The following DGKD variants were observed in gnomAD, a reference collection of about 807,000 sequenced individuals.
DGKD encodes the protein DAG kinase delta.
In DGKD, 68 loss-of-function variants were observed where a neutral mutation model predicts 154.4. The observed-to-expected ratio is 0.44, with a 90% CI of 0.36 to 0.54. DGKD has a LOEUF of 0.54. Ranked by LOEUF, DGKD falls within the 20% of genes least tolerant of loss-of-function variation. DGKD has a pLI of 0.00. For synonymous variants in DGKD, 693 were observed against 638.0 expected, an observed-to-expected ratio of 1.09 and a Z score of -1.30; for missense variants, 1,343 against 1,593.6, an observed-to-expected ratio of 0.84 and a Z score of 2.68.
At chr2:233,402,013 C>T (rs557729087) in intron 3 of DGKD, among the ~76,000 whole-genome samples, 12 of 150,022 alleles carry the variant, frequency 8.0e-5, no homozygotes, top group African/African-American at 2.7e-4. Context: ...GTCTGGTCCT[C>T]ATGTGCCCTC....
rs375267218 is a variant in DGKD at position 233,457,346 on chromosome 2, G to A, written c.2580+18G>A. 4.5e-4 allele frequency: 691 copies of A among 1,552,010 alleles called. No homozygotes were observed. The highest frequency in any genetic ancestry group is 5.6e-4 in the Non-Finnish European group (639 of 1,137,480). ...AAGATGATGTATGTATGGGGTGTGA[G>A]CGGGTGGGCCTGAGCTCAGTGGGGA... On this transcript the variant is annotated intron_variant, in intron 21 of 29. Transcript: ENST00000264057. The surrounding 1 kb of genome is among the most constrained non-coding windows in gnomAD (Gnocchi z 5.5).
chr2:233,385,920 A>G (rs200164031), intron 1 of DGKD: 1 of 463,060 alleles, frequency 2.2e-6, no homozygotes, highest in Non-Finnish European at 4.4e-6. Context: ...TCTTGTTATA[A>G]ATAAAGCAGC....
intron 27 of DGKD, among the ~76,000 whole-genome samples, chr2:233,465,056 G>A (rs3768801): frequency 0.099 from 15,082 of 152,236 alleles, 807 homozygotes; most frequent in South Asian, 0.13. Flanking sequence ...CCCTCTTTCC[G>A]GGGCCCTGGG....
At chr2:233,432,321 T>C (rs13410184) in intron 3 of DGKD, among the ~76,000 whole-genome samples, 6,388 of 62,660 alleles carry the variant, frequency 0.1, 458 homozygotes, top group Non-Finnish European at 0.16. Context: ...GTCAGGAGAT[T>C]GTGACCCTCC....
intron 1 of DGKD, among the ~76,000 whole-genome samples, chr2:233,384,362 C>T (rs1340903118): frequency 1.3e-5 from 2 of 152,154 alleles, no homozygotes; most frequent in Non-Finnish European, 2.9e-5. Flanking sequence ...GGCTTTCCTT[C>T]CTTGGTATTG....
At chr2:233,415,972 A>G (rs2061950498) in intron 3 of DGKD, among the ~76,000 whole-genome samples, 4 of 152,198 alleles carry the variant, frequency 2.6e-5, no homozygotes, top group Admixed American at 2.6e-4. Flanking sequence ...CAATTTGGAA[A>G]ATAGAGAAAA....
intron 17 of DGKD, 115 bp downstream of exon 17, chr2:233,451,165 T>A (rs1193804647): frequency 8.9e-7 from 1 of 1,122,268 alleles, no homozygotes; most frequent in Non-Finnish European, 1.2e-6. Context: ...CTGAGAAAGA[T>A]AGGTGGAATT....
chr2:233,439,942 T>C (rs564067185), intron 9 of DGKD, among the ~76,000 whole-genome samples: 96 of 152,262 alleles, frequency 6.3e-4, no homozygotes, highest in Admixed American at 1.5e-3. Context: ...GTTATCACAA[T>C]GCACCAAGCA....
rs1376905992 is a variant in DGKD, at chr2:233,458,661, G to A, written c.2694+264G>A. Among the ~76,000 whole-genome samples, 1 of 151,092 alleles carries A rather than the reference G, an allele frequency of 6.6e-6. No individual in the cohort carries two copies. Among genetic ancestry groups the A allele is most frequent in the East Asian group, 1.9e-4 (1 of 5,162 alleles). ...GAGTCTTGCTCTGTTGCCCAGGCTG[G>A]AGTGCAGTGGTGCAATCTCGGCTTG... On this transcript the variant is annotated intron_variant, in intron 22 of 29. Coordinates refer to ENST00000264057, the MANE Select transcript of DGKD (RefSeq NM_152879.3). This position sits in a 1 kb window ranked among gnomAD's most constrained non-coding sequence, Gnocchi z 6.6.
chr2:233,454,996 A>C (rs2063409997), intron 19 of DGKD, 123 bp downstream of exon 19: 1 of 621,824 alleles, frequency 1.6e-6, no homozygotes, highest in African/African-American at 1.9e-5. Context: ...CGGGGGGCAG[A>C]AATGGAGCCC....
chr2:233,436,463 G>T, intron 7 of DGKD, 22 bp downstream of exon 7: 1 of 1,605,104 alleles, frequency 6.2e-7, no homozygotes, highest in Non-Finnish European at 8.5e-7. Flanking sequence ...CCCTGCGCCC[G>T]GGCTGGAGGG....
At chr2:233,363,412 A>T (rs1701877093) in intron 1 of DGKD, among the ~76,000 whole-genome samples, 2 of 152,240 alleles carry the variant, frequency 1.3e-5, no homozygotes, top group Admixed American at 6.5e-5. Flanking sequence ...ACAAGTGTAC[A>T]GTGTGTGTTT....
At position 233,445,528 on chromosome 2, in the gene DGKD, T is replaced by C; in HGVS notation, c.1195-95T>C. 1 of 1,486,788 alleles carries C rather than the reference T, an allele frequency of 6.7e-7. No homozygotes were observed. Among genetic ancestry groups the C allele is most frequent in the Non-Finnish European group, 9.0e-7 (1 of 1,114,212 alleles). 92.1% of individuals were successfully genotyped at this position (1,486,788 alleles called of 1,614,324 possible). A position where few individuals can be genotyped will look rare whatever the true frequency, so the allele number is the denominator to read the frequency against. On this transcript the variant is annotated intron_variant, in intron 10 of 29. Coordinates refer to ENST00000264057, the MANE Select transcript of DGKD (RefSeq NM_152879.3). This position sits in a 1 kb window ranked among gnomAD's most constrained non-coding sequence, Gnocchi z 5.5. ...AGGTCACGTCCCCACATTGCTAACG[T>C]AACCCTCACGGTGGGGGACAAGGAG... is the stretch of plus-strand genomic sequence containing the variant.
In DGKD at chr2:233,434,821, G is replaced by T. The variant is rs1444396676; in HGVS notation, c.506G>T (p.Cys169Phe). 6.2e-7 allele frequency: 1 copy of T among 1,614,116 alleles called. No individual in the cohort carries two copies. Among genetic ancestry groups the T allele is most frequent in the Non-Finnish European group, 8.5e-7 (1 of 1,180,050 alleles). The change falls in exon 5 of 30, where the codon TGT becomes TTT. Residue 169 changes from cysteine to phenylalanine, a missense_variant. Coordinates refer to ENST00000264057, the MANE Select transcript of DGKD (RefSeq NM_152879.3). The stretch of plus-strand genomic sequence containing the variant: ...TCAGGGATGCACAATTGGTACGCCT[G>T]TTCCCACGCGAGGCCGACCTACTGC... ...HFSGMHNWYA[C>F]SHARPTYCNV... is the part of the protein sequence containing the mutation.
At chr2:233,397,629 C>G (rs1311589858) in intron 3 of DGKD, among the ~76,000 whole-genome samples, 2 of 152,006 alleles carry the variant, frequency 1.3e-5, no homozygotes, top group Non-Finnish European at 2.9e-5. Flanking sequence ...CAGGGCAGAG[C>G]TTGGGACTTA....
rs372812365 is a variant in DGKD, at chr2:233,438,755, C to CT, written c.1085+376_1085+377insT. Among the ~76,000 whole-genome samples, 2,793 of 132,288 alleles carry CT rather than the reference C, an allele frequency of 0.021. 40 individuals carry two copies. Among genetic ancestry groups the CT allele is most frequent in the Non-Finnish European group, 0.026 (1,586 of 61,412 alleles). The allele number at this position is 132,288 out of a possible 152,430, so 86.8% of individuals were successfully genotyped here. A position where few individuals can be genotyped will look rare whatever the true frequency, so the allele number is the denominator to read the frequency against. On this transcript the variant is annotated intron_variant, in intron 9 of 29. Coordinates refer to ENST00000264057, the MANE Select transcript of DGKD (RefSeq NM_152879.3). The surrounding 1 kb of genome is among the most constrained non-coding windows in gnomAD (Gnocchi z 4.1). ...ATTTTTTATTTATCTGTCTATCTAT[C>CT]ATCTATCTATCTATCTATCTATCTA...
chr2:233,413,337 A>G (rs2061874440), intron 3 of DGKD, among the ~76,000 whole-genome samples: 1 of 150,784 alleles, frequency 6.6e-6, no homozygotes, highest in African/African-American at 2.4e-5. Context: ...GCTAGAGTTT[A>G]CCAGTGAAAT....
In DGKD at chr2:233,460,409, C is replaced by T. The variant is rs997157249; in HGVS notation, c.2981+64C>T. 97 of 1,586,592 alleles carry T rather than the reference C, an allele frequency of 6.1e-5. No homozygotes were observed. The African/African-American group carries it at 1.2e-3, about 20-fold the overall frequency. Reference sequence around the variant, plus strand: ...CCAGGGTCCCTGGGACTGCACTCTTCCAAGGCCCCTGGGGCGTGGAGCTGC... The same window carrying T: ...CCAGGGTCCCTGGGACTGCACTCTTTCAAGGCCCCTGGGGCGTGGAGCTGC... On this transcript the variant is annotated intron_variant, in intron 24 of 29. Transcript: ENST00000264057.
At chr2:233,442,872 G>A (rs1329778486) in intron 10 of DGKD, among the ~76,000 whole-genome samples, 1 of 152,126 alleles carries the variant, frequency 6.6e-6, no homozygotes, top group Admixed American at 6.5e-5. Context: ...CCAAAGTGCT[G>A]GGATTACAGG....
Sources: gnomAD v4.1 joint callset for allele counts (sites outside exome capture counted in the v4.1 genomes callset) on GRCh38, gnomAD v4.1.1 for gene constraint, Gnocchi (gnomAD v3.1) non-coding constraint, MANE v1.5 for transcripts, NCBI Gene and HGNC (gene_info 2026-07-23, HGNC 2026-07-21) for gene names.